Variants in GRIN2D observed in about 807,000 individuals in gnomAD.
GRIN2D encodes the protein glutamate ionotropic receptor NMDA type subunit 2D.
GRIN2D carries 37 observed loss-of-function variants against 103.2 expected under a neutral mutation model. That is an observed-to-expected ratio of 0.36 (90% confidence interval 0.28 to 0.47). The LOEUF (loss-of-function observed/expected upper bound fraction) is 0.47. Among genes scored for constraint, GRIN2D ranks in the 20% least tolerant of loss-of-function variants. The pLI is 1.00. For synonymous variants in GRIN2D, 845 were observed against 885.6 expected, an observed-to-expected ratio of 0.95 and a Z score of 0.81; for missense variants, 1,557 against 1,910.6, an observed-to-expected ratio of 0.81 and a Z score of 3.45.
At chr19:48,435,296 GTTT>G (rs766061537) in intron 11 of GRIN2D, among the ~76,000 whole-genome samples, 1 of 121,626 alleles carries the variant, frequency 8.2e-6, no homozygotes. Flanking sequence ...TCAGCCACTT[GTTT>G]TTTTTTTTTT....
In GRIN2D at chr19:48,421,995, A is replaced by C; in HGVS notation, c.2252+50A>C. ...TGGGGGTTGGGCCGCTGGGGACCTGAGGATGCTCAAAGATGGCAAGGGGTC... is the reference window on the plus strand; with the variant it reads ...TGGGGGTTGGGCCGCTGGGGACCTGCGGATGCTCAAAGATGGCAAGGGGTC... On this transcript the variant is annotated intron_variant, in intron 11 of 13. Transcript: ENST00000263269. The surrounding 1 kb of genome is among the most constrained non-coding windows in gnomAD (Gnocchi z 4.8). 1 of 1,575,894 alleles carries C rather than the reference A, an allele frequency of 6.3e-7. No individual in the cohort carries two copies. Among genetic ancestry groups the C allele is most frequent in the Non-Finnish European group, 8.7e-7 (1 of 1,150,374 alleles).
At chr19:48,436,251 G>A (rs537512629) in intron 11 of GRIN2D, among the ~76,000 whole-genome samples, 17 of 152,236 alleles carry the variant, frequency 1.1e-4, no homozygotes, top group Non-Finnish European at 2.2e-4. Context: ...CTTGGGAAGC[G>A]GGGAGTGCTG....
At chr19:48,417,877 T>C (rs1029670047) in intron 8 of GRIN2D, among the ~76,000 whole-genome samples, 1 of 152,144 alleles carries the variant, frequency 6.6e-6, no homozygotes, top group East Asian at 1.9e-4. Flanking sequence ...GGGTTTATTG[T>C]TGGTGAGCTC....
chr19:48,443,781 C>G lies in GRIN2D; in HGVS notation c.3855C>G (p.Arg1285=), dbSNP rs1209257790. The change falls in exon 14 of 14, where the codon CGC becomes CGG. Residue 1285 remains arginine (R), a synonymous_variant. Coordinates refer to ENST00000263269, the MANE Select transcript of GRIN2D (RefSeq NM_000836.4). This position sits in a 1 kb window ranked among gnomAD's most constrained non-coding sequence, Gnocchi z 8.9. The part of the protein sequence containing the change: ...LSSCPRAAPA[R]RLTGPSRHAR... ...CGTGCCCTCGCGCCGCCCCTGCGCG[C>G]AGGCTTACCGGGCCCTCCCGCCACG... 1 of 1,449,164 alleles carries G rather than the reference C, an allele frequency of 6.9e-7. No individual in the cohort carries two copies. Among genetic ancestry groups the G allele is most frequent in the Admixed American group, 2.7e-5 (1 of 36,692 alleles). 89.8% of individuals were successfully genotyped at this position (1,449,164 alleles called of 1,614,324 possible).
chr19:48,414,284 C>A lies in GRIN2D; in HGVS notation c.1201-89C>A. On this transcript the variant is annotated intron_variant, in intron 5 of 13. Coordinates refer to ENST00000263269, the MANE Select transcript of GRIN2D (RefSeq NM_000836.4). This position sits in a 1 kb window ranked among gnomAD's most constrained non-coding sequence, Gnocchi z 4.6. Reference sequence around the variant, plus strand: ...GTCTTGGAAGAAGCTGCTGCCCACACACCTAGGTCTGAGGGAAGAGGATCA... The same window carrying A: ...GTCTTGGAAGAAGCTGCTGCCCACAAACCTAGGTCTGAGGGAAGAGGATCA... The A allele has an allele frequency of 1.7e-6, 2 of 1,155,410 alleles. No homozygotes were observed. Among genetic ancestry groups the A allele is most frequent in the Middle Eastern group, 4.0e-4 (2 of 5,036 alleles). The allele number at this position is 1,155,410 out of a possible 1,614,324, so 71.6% of individuals were successfully genotyped here.
intron 11 of GRIN2D, among the ~76,000 whole-genome samples, chr19:48,423,449 G>A (rs1169082997): frequency 6.6e-6 from 1 of 152,146 alleles, no homozygotes; most frequent in Non-Finnish European, 1.5e-5. Flanking sequence ...TTCAGAAAGT[G>A]ATGGTGAGCT....
intron 11 of GRIN2D, among the ~76,000 whole-genome samples, chr19:48,434,690 T>G (rs578257533): frequency 6.6e-6 from 1 of 152,072 alleles, no homozygotes; most frequent in Non-Finnish European, 1.5e-5. Context: ...CACCTTGGCC[T>G]CCCAAAGCGA....
At chr19:48,411,696 G>C (rs1970863116) in intron 4 of GRIN2D, among the ~76,000 whole-genome samples, 1 of 151,818 alleles carries the variant, frequency 6.6e-6, no homozygotes, top group African/African-American at 2.4e-5. Context: ...TCAGGATAAG[G>C]GGTGGTATAA....
intron 11 of GRIN2D, among the ~76,000 whole-genome samples, chr19:48,441,141 G>A (rs1457901719): frequency 2.0e-5 from 3 of 148,128 alleles, no homozygotes; most frequent in Non-Finnish European, 2.9e-5. Flanking sequence ...GAGACAGGTG[G>A]ACCACAAGGA....
In GRIN2D at chr19:48,442,698, G is replaced by A. The variant is rs1439971710; in HGVS notation, c.2772G>A (p.Arg924=). The change falls in exon 14 of 14, where the codon CGG becomes CGA. Residue 924 remains arginine (R), a synonymous_variant. Transcript: ENST00000263269. This position sits in a 1 kb window ranked among gnomAD's most constrained non-coding sequence, Gnocchi z 7.2. ...PLPSPAYPAP[R]PAPGPAPFVP... is the part of the protein sequence containing the mutation. ...CCAGCCCCGCGTACCCCGCGCCGCGGCCGGCTCCCGGGCCCGCACCTTTCG... is the reference window on the plus strand; with the variant it reads ...CCAGCCCCGCGTACCCCGCGCCGCGACCGGCTCCCGGGCCCGCACCTTTCG... The A allele has an allele frequency of 8.6e-7, 1 of 1,166,930 alleles. No individual in the cohort carries two copies. Among genetic ancestry groups the A allele is most frequent in the Non-Finnish European group, 1.1e-6 (1 of 948,362 alleles). 72.3% of individuals were successfully genotyped at this position (1,166,930 alleles called of 1,614,324 possible).
intron 3 of GRIN2D, among the ~76,000 whole-genome samples, chr19:48,402,400 G>T (rs1364678157): frequency 6.6e-6 from 1 of 151,926 alleles, no homozygotes; most frequent in Non-Finnish European, 1.5e-5. Flanking sequence ...GAAAAAAAAG[G>T]CAGCTGCTCT....
chr19:48,413,905 G>GTCTGCCTT (rs1970908264), intron 4 of GRIN2D, 86 bp from the exon 5 acceptor site: 1 of 772,628 alleles, frequency 1.3e-6, no homozygotes, highest in Non-Finnish European at 2.4e-6. Flanking sequence ...GCTGGGGCTG[G>GTCTGCCTT]TCTGCAGAAA....
Position 48,414,650 on chromosome 19 carries a change from GC to G in GRIN2D, c.1412+71del. 1.4e-6 allele frequency: 2 copies of G among 1,423,788 alleles called. No homozygotes were observed. Among genetic ancestry groups the G allele is most frequent in the Non-Finnish European group, 1.9e-6 (2 of 1,038,068 alleles). The allele number at this position is 1,423,788 out of a possible 1,614,324, so 88.2% of individuals were successfully genotyped here. A position where few individuals can be genotyped will look rare whatever the true frequency, so the allele number is the denominator to read the frequency against. On this transcript the variant is annotated intron_variant, in intron 6 of 13. Transcript: ENST00000263269. The surrounding 1 kb of genome is among the most constrained non-coding windows in gnomAD (Gnocchi z 4.6). Reference sequence around the variant, plus strand: ...CCTCCCGTGAAGCCCAGTAGTCTGGGCCCCCAGCCCCCTCCTCCCTTGGGAC... The same window carrying G: ...CCTCCCGTGAAGCCCAGTAGTCTGGGCCCCAGCCCCCTCCTCCCTTGGGAC...
chr19:48,441,990 AG>A, intron 12 of GRIN2D, 34 bp downstream of exon 12: 1 of 1,577,928 alleles, frequency 6.3e-7, no homozygotes. Flanking sequence ...CACAGCGGAG[AG>A]GGGGAGGGCG....
chr19:48,414,882 C>A lies in GRIN2D; in HGVS notation c.1431C>A (p.Pro477=). The change falls in exon 7 of 14, where the codon CCC becomes CCA. Residue 477 remains proline, a synonymous_variant. Transcript: ENST00000263269. The surrounding 1 kb of genome is among the most constrained non-coding windows in gnomAD (Gnocchi z 4.6). ...CCCGCAGCCCTCCACCGGATGCCCC[C>A]CGCCCGGAAAAGCGCTGCTGCAAGG... The part of the protein sequence containing the change: ...NRTHSPPPDA[P]RPEKRCCKGF... The A allele has an allele frequency of 6.2e-7, 1 of 1,614,166 alleles. No individual in the cohort carries two copies. The highest frequency in any genetic ancestry group is 1.1e-5 in the South Asian group (1 of 91,080).
At chr19:48,430,775 T>G (rs1971146211) in intron 11 of GRIN2D, among the ~76,000 whole-genome samples, 1 of 152,056 alleles carries the variant, frequency 6.6e-6, no homozygotes, top group Non-Finnish European at 1.5e-5. Context: ...ATATACTTAA[T>G]ATGTTAGAAG....
In GRIN2D at chr19:48,443,664, C is replaced by G. The variant is rs1971338605; in HGVS notation, c.3738C>G (p.Ala1246=). 2.6e-6 allele frequency: 3 copies of G among 1,175,172 alleles called. No homozygotes were observed. Among genetic ancestry groups the G allele is most frequent in the Non-Finnish European group, 2.1e-6 (2 of 954,262 alleles). The allele number at this position is 1,175,172 out of a possible 1,614,324, so 72.8% of individuals were successfully genotyped here. ...CCTCGCACCGCACGCCCGCCGCCGC[C>G]GCGCCCCACCACCACAGGCACCGGC... ...PRASHRTPAA[A]APHHHRHRRA... is the part of the protein sequence containing the mutation. The change falls in exon 14 of 14, where the codon GCC becomes GCG. Residue 1246 remains alanine (A), a synonymous_variant. Coordinates refer to ENST00000263269, the MANE Select transcript of GRIN2D (RefSeq NM_000836.4). The surrounding 1 kb of genome is among the most constrained non-coding windows in gnomAD (Gnocchi z 8.9).
intron 11 of GRIN2D, among the ~76,000 whole-genome samples, chr19:48,435,949 G>A (rs1971224252): frequency 6.6e-6 from 1 of 152,210 alleles, no homozygotes; most frequent in Non-Finnish European, 1.5e-5. Flanking sequence ...AATAGGGCAG[G>A]GTGAATGCAT....
chr19:48,442,735 C>T lies in GRIN2D; in HGVS notation c.2809C>T (p.Arg937Cys), dbSNP rs1441476027. The T allele has an allele frequency of 2.7e-6, 3 of 1,107,352 alleles. No homozygotes were observed. Among genetic ancestry groups the T allele is most frequent in the Non-Finnish European group, 3.3e-6 (3 of 907,646 alleles). 68.6% of individuals were successfully genotyped at this position (1,107,352 alleles called of 1,614,324 possible). A position where few individuals can be genotyped will look rare whatever the true frequency, so the allele number is the denominator to read the frequency against. ...GCCCGCACCTTTCGTGCCCCGCGAG[C>T]GCGCCTCAGTGGACCGCTGGCGCCG... ...PGPAPFVPRE[R>C]ASVDRWRRTK... The change falls in exon 14 of 14, where the codon CGC becomes TGC. Residue 937 changes from arginine (R) to cysteine (C), a missense_variant. By Grantham distance (180) the Arg-to-Cys change is radical (BLOSUM62 -3). Coordinates refer to ENST00000263269, the MANE Select transcript of GRIN2D (RefSeq NM_000836.4). The surrounding 1 kb of genome is among the most constrained non-coding windows in gnomAD (Gnocchi z 7.2).
Sources: gnomAD v4.1 joint callset for allele counts (sites outside exome capture counted in the v4.1 genomes callset) on GRCh38, gnomAD v4.1.1 for gene constraint, Gnocchi (gnomAD v3.1) non-coding constraint, MANE v1.5 for transcripts, NCBI Gene and HGNC (gene_info 2026-07-23, HGNC 2026-07-21) for gene names.